IMMP2L: variants seen among roughly 807,000 people sequenced by gnomAD.
IMMP2L encodes mitochondrial inner membrane protease subunit 2.
IMMP2L carries 18 observed loss-of-function variants against 19.3 expected under a neutral mutation model. The ratio of observed to expected loss-of-function variants is 0.93; its 90% CI spans 0.64 to 1.38. The LOEUF is 1.38. Ranked by LOEUF, IMMP2L falls within the 40% of genes most tolerant of loss-of-function variation. The pLI is 0.00. For synonymous variants in IMMP2L, 76 were observed against 73.0 expected (o/e 1.04, Z -0.21); for missense variants, 233 against 218.2 (o/e 1.07, Z -0.43).
chr7:111,127,894 C>T (rs1801472587), intron 3 of IMMP2L, among the ~76,000 whole-genome samples: 1 of 150,924 alleles, frequency 6.6e-6, no homozygotes, highest in Non-Finnish European at 1.5e-5. Flanking sequence ...ATAAGCATAC[C>T]CAATTGAATA....
chr7:110,820,313 T>C (rs189866575), intron 5 of IMMP2L, among the ~76,000 whole-genome samples: 108 of 152,210 alleles, frequency 7.1e-4, no homozygotes, highest in African/African-American at 2.4e-3. Flanking sequence ...GCATATGTGC[T>C]AATGTTCAAT....
chr7:111,209,140 C>G (rs1811032719), intron 3 of IMMP2L, among the ~76,000 whole-genome samples: 1 of 152,020 alleles, frequency 6.6e-6, no homozygotes, highest in Non-Finnish European at 1.5e-5. Context: ...GCCTGTAATC[C>G]CAGCACTTTG....
chr7:110,950,860 A>ATATATATATATATG (rs1563105676), intron 4 of IMMP2L, among the ~76,000 whole-genome samples: 1 of 138,810 alleles, frequency 7.2e-6, no homozygotes, highest in African/African-American at 3.0e-5. Context: ...ATATATATAT[A>ATATATATATATATG]TATATATATA....
At chr7:110,681,424 G>C (rs1395313614) in intron 5 of IMMP2L, among the ~76,000 whole-genome samples, 1 of 152,058 alleles carries the variant, frequency 6.6e-6, no homozygotes, top group Non-Finnish European at 1.5e-5. Context: ...TGCACATGAA[G>C]GTTTGTACAC....
intron 5 of IMMP2L, among the ~76,000 whole-genome samples, chr7:110,792,981 A>C (rs763979200): frequency 1.3e-5 from 2 of 152,056 alleles, no homozygotes; most frequent in Non-Finnish European, 2.9e-5. Flanking sequence ...CAGACACAGA[A>C]AGAAGGAGAC....
At chr7:111,507,292 T>C (rs1474489183) in intron 2 of IMMP2L, among the ~76,000 whole-genome samples, 3 of 152,218 alleles carry the variant, frequency 2.0e-5, no homozygotes, top group African/African-American at 7.2e-5. Flanking sequence ...ATATTTCCTC[T>C]AATTTCTGCT....
chr7:111,513,596 C>T (rs1845639064), intron 2 of IMMP2L, among the ~76,000 whole-genome samples: 1 of 152,110 alleles, frequency 6.6e-6, no homozygotes, highest in South Asian at 2.1e-4. Flanking sequence ...ACCACTCTCA[C>T]TTCTGGATAT....
At chr7:111,501,073 G>GA (rs1302382534) in intron 2 of IMMP2L, among the ~76,000 whole-genome samples, 1 of 151,300 alleles carries the variant, frequency 6.6e-6, no homozygotes, top group East Asian at 1.9e-4. Flanking sequence ...TAAAAACTTT[G>GA]AAAAAAAATT....
At chr7:110,747,658 T>C (rs1042684821) in intron 5 of IMMP2L, among the ~76,000 whole-genome samples, 1 of 152,200 alleles carries the variant, frequency 6.6e-6, no homozygotes, top group Non-Finnish European at 1.5e-5. Context: ...CACATGATTA[T>C]ATCAATAGAT....
intron 5 of IMMP2L, among the ~76,000 whole-genome samples, chr7:110,781,266 A>C (rs1230469631): frequency 6.6e-6 from 1 of 151,896 alleles, no homozygotes; most frequent in Non-Finnish European, 1.5e-5. Context: ...TTTTTCCTCC[A>C]GTAATGTAAA....
intron 3 of IMMP2L, among the ~76,000 whole-genome samples, chr7:111,296,863 A>T (rs1821692024): frequency 6.6e-6 from 1 of 152,030 alleles, no homozygotes. Flanking sequence ...AAAAACTAGA[A>T]CTCTCAATAC....
intron 3 of IMMP2L, among the ~76,000 whole-genome samples, chr7:111,151,574 C>T (rs1360321715): frequency 1.3e-5 from 2 of 152,112 alleles, no homozygotes; most frequent in Admixed American, 6.6e-5. Flanking sequence ...CAAAACGTAA[C>T]ATGTGGACCT....
chr7:111,490,150 T>G (rs1274245081), intron 2 of IMMP2L, among the ~76,000 whole-genome samples: 1 of 147,342 alleles, frequency 6.8e-6, no homozygotes, highest in Non-Finnish European at 1.5e-5. Context: ...TAGGCTGGAG[T>G]GCACCGGCAT....
At chr7:110,953,046 TA>T (rs1372753389) in intron 4 of IMMP2L, among the ~76,000 whole-genome samples, 1 of 152,134 alleles carries the variant, frequency 6.6e-6, no homozygotes, top group African/African-American at 2.4e-5. Context: ...AAAGGTATGC[TA>T]GTGTAACAGA....
chr7:111,528,176 A>G (rs937849600), intron 1 of IMMP2L, among the ~76,000 whole-genome samples: 1 of 152,134 alleles, frequency 6.6e-6, no homozygotes, highest in African/African-American at 2.4e-5. Context: ...TGTCTATGTA[A>G]ATTGCCAAAG....
intron 5 of IMMP2L, among the ~76,000 whole-genome samples, chr7:110,838,238 C>T (rs1249616551): frequency 1.3e-5 from 2 of 152,062 alleles, no homozygotes; most frequent in Admixed American, 1.3e-4. Context: ...AAATAATATA[C>T]ATGTTCTACT....
chr7:110,945,628 A>G (rs1202665453), intron 4 of IMMP2L, among the ~76,000 whole-genome samples: 1 of 151,938 alleles, frequency 6.6e-6, no homozygotes, highest in Non-Finnish European at 1.5e-5. Context: ...AGTAATTATT[A>G]TAGAATTTAG....
chr7:111,311,794 GT>G (rs1823551670), intron 3 of IMMP2L, among the ~76,000 whole-genome samples: 1 of 152,160 alleles, frequency 6.6e-6, no homozygotes, highest in East Asian at 1.9e-4. Flanking sequence ...TAAAAGTTTG[GT>G]GTCACAATAG....
In IMMP2L at chr7:111,210,079, G is replaced by A. The variant is rs181849948; in HGVS notation, c.240-246514C>T. Among the ~76,000 whole-genome samples, 791 of 152,208 alleles carry A rather than the reference G, an allele frequency of 5.2e-3. 6 individuals carry two copies. Among genetic ancestry groups the A allele is most frequent in the Admixed American group, 8.6e-3 (132 of 15,290 alleles). On this transcript the variant is annotated intron_variant, in intron 3 of 5. Coordinates refer to ENST00000405709, the MANE Select transcript of IMMP2L (RefSeq NM_032549.4). ...AGCCTTTGCTTCAGAGTAGCTCCTT[G>A]TATCTCCTTTTGGTTGAGTAACTCC...
Sources: gnomAD v4.1 joint callset for allele counts (sites outside exome capture counted in the v4.1 genomes callset) on GRCh38, gnomAD v4.1.1 for gene constraint, MANE v1.5 for transcripts, NCBI Gene and HGNC (gene_info 2026-07-23, HGNC 2026-07-21) for gene names.